Variants in NOTCH2 observed in about 807,000 individuals in gnomAD.
NOTCH2 encodes neurogenic locus notch homolog protein 2.
A neutral mutation model predicts 235.8 loss-of-function variants in NOTCH2; 29 were observed. The observed-to-expected ratio is 0.12, with a 90% CI of 0.09 to 0.17. NOTCH2 has a LOEUF of 0.17. NOTCH2 is among the 10% of genes least tolerant of loss of function. NOTCH2 has a pLI of 1.00. For missense variants in NOTCH2, 2,285 were observed against 3,150.2 expected (o/e 0.73, Z 6.57); for synonymous variants, 1,086 against 1,141.5 (o/e 0.95, Z 0.98).
At chr1:119,941,825 T>C in intron 17 of NOTCH2, 71 bp from the exon 18 acceptor site, 3 of 1,197,626 alleles carry the variant, frequency 2.5e-6, no homozygotes, top group Non-Finnish European at 2.5e-6. Context: ...TAAAAGTGAA[T>C]GACCTGAACT....
At chr1:120,055,812 G>A (rs1299746331) in intron 1 of NOTCH2, among the ~76,000 whole-genome samples, 2 of 151,242 alleles carry the variant, frequency 1.3e-5, no homozygotes, top group Non-Finnish European at 3.0e-5. Flanking sequence ...CCTTTTCTGA[G>A]AAAGTAACTC....
At chr1:119,978,475 CA>C (rs1651682687) in intron 5 of NOTCH2, among the ~76,000 whole-genome samples, 1 of 152,188 alleles carries the variant, frequency 6.6e-6, no homozygotes, top group Admixed American at 6.5e-5. Context: ...TCCAGGTCAA[CA>C]AAAACTTCAA....
In NOTCH2 at chr1:119,950,739, C is replaced by T; in HGVS notation, c.2464G>A (p.Val822Met). Residue 822 changes from valine to methionine, a missense_variant, in exon 15 of 34, where the codon GTG becomes ATG. By Grantham distance (21) the Val-to-Met change is conservative. Coordinates refer to ENST00000256646, the MANE Select transcript of NOTCH2 (RefSeq NM_024408.4). ...CAGGACCCACCTGTGTATGGCAGCA[C>T]ACAGTGGCAAGTGTAGCCACTTATG... is the stretch of plus-strand genomic sequence containing the variant. Reference protein sequence around the residue: ...DDISGYTCHCVLPYTGKNCQT... With the variant: ...DDISGYTCHCMLPYTGKNCQT... 1 of 1,611,684 alleles carries T rather than the reference C, an allele frequency of 6.2e-7. No individual in the cohort carries two copies. Among genetic ancestry groups the T allele is most frequent in the South Asian group, 1.1e-5 (1 of 91,056 alleles).
chr1:119,951,988 G>C (rs1325387850), intron 14 of NOTCH2, among the ~76,000 whole-genome samples: 2 of 152,188 alleles, frequency 1.3e-5, no homozygotes, highest in African/African-American at 4.8e-5. Context: ...CTGAAATACA[G>C]TCTCAGAAAT....
At position 119,940,745 on chromosome 1, in the gene NOTCH2, T is replaced by C. The variant is rs782277113; in HGVS notation, c.2993A>G (p.Asn998Ser). ...AATCCCATCAACACATGTGCCACCA[T>C]TGAAACAGGAGCTAAGAAGCAAACA... ...INECTESSCFNGGTCVDGINS... is the reference protein window; with the variant it reads ...INECTESSCFSGGTCVDGINS... Residue 998 changes from asparagine to serine, a missense_variant, in exon 19 of 34, where the codon AAT becomes AGT. By Grantham distance (46) the Asn-to-Ser change is conservative. This residue lies in a region of NOTCH2 where 1,173 missense variants were observed against 1,515.3 expected (regional missense o/e 0.77). Transcript: ENST00000256646. 64 of 1,614,010 alleles carry C rather than the reference T, an allele frequency of 4.0e-5. No homozygotes were observed. The highest frequency in any genetic ancestry group is 8.8e-5 in the South Asian group (8 of 91,088).
chr1:119,953,894 G>A (rs1650583526), intron 13 of NOTCH2, among the ~76,000 whole-genome samples: 1 of 152,050 alleles, frequency 6.6e-6, no homozygotes, highest in Admixed American at 6.5e-5. Flanking sequence ...TGCTTTCCTG[G>A]CTCACTAAGT....
chr1:120,001,294 T>C lies in NOTCH2; in HGVS notation c.416-3962A>G, dbSNP rs587597337. Among the ~76,000 whole-genome samples, 7 of 151,862 alleles carry C rather than the reference T, an allele frequency of 4.6e-5. No individual in the cohort carries two copies. In the East Asian group the frequency reaches 1.4e-3, roughly 29 times the overall value. ...AGTGCCAACTATCCCGAGGGAAACT[T>C]TGGAGGGAACCAGCTACTAGATGGT... On this transcript the variant is annotated intron_variant, in intron 3 of 33. Coordinates refer to ENST00000256646, the MANE Select transcript of NOTCH2 (RefSeq NM_024408.4).
Position 119,965,561 on chromosome 1 carries a change from T to C in NOTCH2, c.1573A>G (p.Thr525Ala). The C allele has an allele frequency of 1.2e-6, 2 of 1,610,514 alleles. No individual in the cohort carries two copies. The highest frequency in any genetic ancestry group is 8.5e-7 in the Non-Finnish European group (1 of 1,176,678). The change falls in exon 10 of 34, where the codon ACT (threonine) becomes GCT (alanine). Residue 525 changes from threonine to alanine, a missense_variant. Thr to Ala is a moderately conservative substitution (Grantham distance 58, BLOSUM62 0). Around this residue, in one of 6 missense-constraint regions of NOTCH2, gnomAD observed 431 missense variants for 757.8 expected, o/e 0.57. Transcript: ENST00000256646. ...RFQCLCPPGF[T>A]GPVCQIDIDD... The stretch of plus-strand genomic sequence containing the variant: ...ATATCAATCTGGCAAACTGGCCCAG[T>C]GAAACCTCAAAAAGGGACAGTGGTA...
intron 5 of NOTCH2, among the ~76,000 whole-genome samples, chr1:119,983,777 A>T (rs1553201927): frequency 6.6e-6 from 1 of 152,104 alleles, no homozygotes; most frequent in African/African-American, 2.4e-5. Flanking sequence ...TTGCTACAAA[A>T]CACCAAGCCT....
At chr1:119,931,857 G>A (rs1553195150) in intron 22 of NOTCH2, among the ~76,000 whole-genome samples, 1 of 151,196 alleles carries the variant, frequency 6.6e-6, no homozygotes, top group East Asian at 1.9e-4. Context: ...GTAAAAGTGT[G>A]CACTAAAAAT....
rs1340551229 is a variant in NOTCH2, at chr1:119,926,566, C to CAGGG, written c.3934_3937dup (p.Cys1313SerfsTer13). 6.2e-7 allele frequency: 1 copy of CAGGG among 1,609,910 alleles called. No homozygotes were observed. Among genetic ancestry groups the CAGGG allele is most frequent in the Non-Finnish European group, 8.5e-7 (1 of 1,177,820 alleles). On this transcript the variant is annotated frameshift_variant, in exon 24 of 34. Transcript: ENST00000256646. LOFTEE classifies it high-confidence loss of function. ...CACAGCACAAGTCCCTCCATTCAGGCAGGGCATCTGGGGACACACATCGAC... is the reference window on the plus strand; with the variant it reads ...CACAGCACAAGTCCCTCCATTCAGGCAGGGAGGGCATCTGGGGACACACATCGAC...
At chr1:120,047,679 G>C (rs1405528668) in intron 1 of NOTCH2, among the ~76,000 whole-genome samples, 1 of 142,984 alleles carries the variant, frequency 7.0e-6, no homozygotes, top group Non-Finnish European at 1.5e-5. Flanking sequence ...GTGAGGCCCT[G>C]TCTCAAAAAA....
In NOTCH2 at chr1:119,922,464, C is replaced by T. The variant is rs1348248474; in HGVS notation, c.5003-18G>A. On this transcript the variant is annotated intron_variant, in intron 27 of 33. Transcript: ENST00000256646. ...GGATTCACCTGAAAGTCCACAGAGA[C>T]AGGGAAAGTGCTGAATAAAACATTA... 6.2e-7 allele frequency: 1 copy of T among 1,606,126 alleles called. No individual in the cohort carries two copies. The highest frequency in any genetic ancestry group is 1.7e-5 in the Admixed American group (1 of 58,464).
At chr1:120,029,284 G>A (rs1326096456) in intron 2 of NOTCH2, among the ~76,000 whole-genome samples, 1 of 151,394 alleles carries the variant, frequency 6.6e-6, no homozygotes, top group Non-Finnish European at 1.5e-5. Flanking sequence ...AACATGTTAA[G>A]GGGAGACTCT....
intron 1 of NOTCH2, among the ~76,000 whole-genome samples, chr1:120,054,988 A>C (rs1570790484): frequency 6.6e-6 from 1 of 151,710 alleles, no homozygotes; most frequent in South Asian, 2.1e-4. Context: ...TAAATACAAA[A>C]TTACACTATC....
chr1:119,928,139 C>A (rs1649535240), intron 23 of NOTCH2, among the ~76,000 whole-genome samples: 1 of 152,172 alleles, frequency 6.6e-6, no homozygotes, highest in Non-Finnish European at 1.5e-5. Context: ...CCAAAAGTCA[C>A]CATGCTGCCC....
chr1:120,064,820 T>C (rs1553216794), intron 1 of NOTCH2, among the ~76,000 whole-genome samples: 2 of 148,388 alleles, frequency 1.3e-5, no homozygotes, highest in Non-Finnish European at 1.5e-5. Context: ...AAGTTTGCAA[T>C]ATCCAACTCA....
Position 119,923,933 on chromosome 1 carries a change from C to A in NOTCH2, c.4563G>T (p.Gly1521=), listed in dbSNP as rs377473069. The change falls in exon 26 of 34, where the codon GGG becomes GGT. Residue 1521 remains glycine, a synonymous_variant. Coordinates refer to ENST00000256646, the MANE Select transcript of NOTCH2 (RefSeq NM_024408.4). ...CCCAACCACACTCCTCACTGTTGCACCCCTGGTCACAGTGGTTGTCTTTGA... is the reference window on the plus strand; with the variant it reads ...CCCAACCACACTCCTCACTGTTGCAACCCTGGTCACAGTGGTTGTCTTTGA... ...DHFKDNHCDQ[G]CNSEECGWDG... The A allele has an allele frequency of 6.2e-7, 1 of 1,614,198 alleles. No individual in the cohort carries two copies. The highest frequency in any genetic ancestry group is 1.7e-5 in the Admixed American group (1 of 60,018).
rs587647998 is a variant in NOTCH2, at chr1:120,010,765, G to A, written c.156-5177C>T. Reference sequence around the variant, plus strand: ...TTTCTTTCTTAATTCTTCAAATTCTGCCTCCCTTCCTAGGTATATACCCGA... The same window carrying A: ...TTTCTTTCTTAATTCTTCAAATTCTACCTCCCTTCCTAGGTATATACCCGA... On this transcript the variant is annotated intron_variant, in intron 2 of 33. Coordinates refer to ENST00000256646, the MANE Select transcript of NOTCH2 (RefSeq NM_024408.4). Among the ~76,000 whole-genome samples the A allele has an allele frequency of 3.2e-3, 481 of 152,240 alleles. 4 individuals are homozygous for A. The highest frequency in any genetic ancestry group is 0.011 in the African/African-American group (458 of 41,534).
Sources: gnomAD v4.1 joint callset for allele counts (sites outside exome capture counted in the v4.1 genomes callset) on GRCh38, gnomAD v4.1.1 for gene constraint, gnomAD v4.1.1 regional missense constraint, MANE v1.5 for transcripts, NCBI Gene and HGNC (gene_info 2026-07-23, HGNC 2026-07-21) for gene names.